Variants in CDH13 observed in about 807,000 individuals in gnomAD.
CDH13 encodes the protein cadherin 13.
CDH13 carries 24 observed loss-of-function variants against 63.8 expected under a neutral mutation model. The observed-to-expected ratio is 0.38, with a 90% CI of 0.27 to 0.53. CDH13 has a LOEUF of 0.53. Ranked by LOEUF, CDH13 falls within the 20% of genes least tolerant of loss-of-function variation. The pLI, the probability that CDH13 is intolerant of heterozygous loss-of-function variation, is 0.85. For synonymous variants in CDH13, 503 were observed against 355.3 expected, an observed-to-expected ratio of 1.42 and a Z score of -4.67; for missense variants, 1,049 against 903.1, an observed-to-expected ratio of 1.16 and a Z score of -2.07.
intron 1 of CDH13, among the ~76,000 whole-genome samples, chr16:82,761,017 C>CTTTTTTCTTTTTTTT (rs2034821033): frequency 2.5e-5 from 1 of 40,452 alleles, no homozygotes; most frequent in African/African-American, 8.9e-5. Context: ...TTCTTTCTTT[C>CTTTTTTCTTTTTTTT]TTTTTTTTTT....
At chr16:83,563,751 C>T (rs1026459479) in intron 7 of CDH13, among the ~76,000 whole-genome samples, 3 of 152,130 alleles carry the variant, frequency 2.0e-5, no homozygotes, top group Non-Finnish European at 4.4e-5. Flanking sequence ...CAGCATATAA[C>T]TCTCCCCAAA....
intron 8 of CDH13, among the ~76,000 whole-genome samples, chr16:83,616,904 C>T (rs1369458069): frequency 1.3e-5 from 2 of 152,190 alleles, no homozygotes; most frequent in Non-Finnish European, 2.9e-5. Flanking sequence ...CAAGCTTTGG[C>T]ATGTCTTTGT....
At chr16:82,805,008 T>G (rs945103636) in intron 1 of CDH13, among the ~76,000 whole-genome samples, 8 of 152,198 alleles carry the variant, frequency 5.3e-5, no homozygotes, top group African/African-American at 1.9e-4. Flanking sequence ...TATCCATCTT[T>G]CCTTATCCAG....
intron 1 of CDH13, among the ~76,000 whole-genome samples, chr16:82,793,472 C>T (rs938877384): frequency 2.6e-5 from 4 of 152,022 alleles, no homozygotes; most frequent in African/African-American, 9.7e-5. Context: ...CTGTGGAGTT[C>T]CCAGTGTTTC....
intron 7 of CDH13, among the ~76,000 whole-genome samples, chr16:83,561,132 G>C (rs747918798): frequency 6.6e-6 from 1 of 151,986 alleles, no homozygotes; most frequent in Non-Finnish European, 1.5e-5. Context: ...TACTCATTCA[G>C]GTTCTTCTCT....
intron 4 of CDH13, among the ~76,000 whole-genome samples, chr16:83,166,183 C>T (rs1027009551): frequency 6.6e-6 from 1 of 152,068 alleles, no homozygotes; most frequent in East Asian, 1.9e-4. Flanking sequence ...AATAGCTGAT[C>T]CCTGTCATTA....
At chr16:83,634,135 A>ATGTGTG (rs35109001) in intron 8 of CDH13, among the ~76,000 whole-genome samples, 65 of 104,398 alleles carry the variant, frequency 6.2e-4, no homozygotes, top group African/African-American at 2.3e-3. Flanking sequence ...GTGTGTGTGT[A>ATGTGTG]TGTGTGTGTG....
intron 6 of CDH13, among the ~76,000 whole-genome samples, chr16:83,421,422 C>G (rs536813085): frequency 1.8e-4 from 27 of 152,270 alleles, no homozygotes; most frequent in Admixed American, 5.2e-4. Context: ...AATCTTAGCT[C>G]TCTACATCTT....
chr16:83,354,839 CTGT>C (rs2091022493), intron 6 of CDH13, among the ~76,000 whole-genome samples: 1 of 152,210 alleles, frequency 6.6e-6, no homozygotes, highest in African/African-American at 2.4e-5. Context: ...GTCTCTCTGC[CTGT>C]TGTTTTTTAA....
chr16:83,305,961 A>G (rs1052141003), intron 5 of CDH13, among the ~76,000 whole-genome samples: 2 of 152,214 alleles, frequency 1.3e-5, no homozygotes, highest in African/African-American at 2.4e-5. Context: ...CTAATCTAGA[A>G]CAGGGTTTCT....
In CDH13 at chr16:83,646,692, C is replaced by CAAA. The variant is rs199756336; in HGVS notation, c.1102-24079_1102-24077dup. On this transcript the variant is annotated intron_variant, in intron 8 of 13. Transcript: ENST00000567109. ...GGGTGACAAGAGCAAGACTCCGTCT[C>CAAA]AAAAAAAAAAAAAAAAAAAAACACA... 1.4e-3 allele frequency among the ~76,000 whole-genome samples: 101 copies of CAAA among 72,620 alleles called. 2 individuals are homozygous for CAAA. The highest frequency in any genetic ancestry group is 2.0e-3 in the African/African-American group (43 of 21,854). 47.6% of individuals were successfully genotyped at this position (72,620 alleles called of 152,430 possible).
chr16:83,409,537 G>A (rs1356489192), intron 6 of CDH13, among the ~76,000 whole-genome samples: 1 of 152,242 alleles, frequency 6.6e-6, no homozygotes, highest in Non-Finnish European at 1.5e-5. Flanking sequence ...TAGGTGATGT[G>A]ACTCAGACCT....
At chr16:83,617,467 TC>T (rs1909384664) in intron 8 of CDH13, among the ~76,000 whole-genome samples, 2 of 151,790 alleles carry the variant, frequency 1.3e-5, no homozygotes, top group Non-Finnish European at 2.9e-5. Context: ...CATTTTCTAT[TC>T]TAATATATAA....
chr16:83,508,288 A>C (rs1162475808), intron 7 of CDH13: 1 of 154,540 alleles, frequency 6.5e-6, no homozygotes, highest in Non-Finnish European at 1.5e-5. Context: ...GGGGTTCTGG[A>C]GGATAGCAGT....
intron 3 of CDH13, among the ~76,000 whole-genome samples, chr16:83,124,469 T>A (rs116780629): frequency 1.3e-5 from 2 of 152,212 alleles, no homozygotes; most frequent in African/African-American, 4.8e-5. Flanking sequence ...GCTTAGTCTG[T>A]TGATTGCTTA....
chr16:83,408,319 G>C (rs937059134), intron 6 of CDH13, among the ~76,000 whole-genome samples: 1 of 152,100 alleles, frequency 6.6e-6, no homozygotes, highest in Admixed American at 6.6e-5. Context: ...ACTCAACAAT[G>C]GGTATACCTT....
chr16:83,432,755 C>G (rs1477771301), intron 6 of CDH13, among the ~76,000 whole-genome samples: 2 of 152,164 alleles, frequency 1.3e-5, no homozygotes, highest in Non-Finnish European at 2.9e-5. Context: ...AGCTGGGTCT[C>G]TGAGATGCAT....
intron 10 of CDH13, among the ~76,000 whole-genome samples, chr16:83,695,021 A>G (rs765105206): frequency 1.8e-4 from 28 of 152,184 alleles, no homozygotes; most frequent in Non-Finnish European, 3.2e-4. Flanking sequence ...AGCCCGGCCA[A>G]CATGATGAAA....
At chr16:83,571,601 T>C (rs558100312) in intron 7 of CDH13, among the ~76,000 whole-genome samples, 5 of 152,158 alleles carry the variant, frequency 3.3e-5, no homozygotes, top group East Asian at 1.9e-4. Flanking sequence ...TCAAGAAATA[T>C]TGGGTCTGCC....
Sources: gnomAD v4.1 joint callset for allele counts (sites outside exome capture counted in the v4.1 genomes callset) on GRCh38, gnomAD v4.1.1 for gene constraint, MANE v1.5 for transcripts, NCBI Gene and HGNC (gene_info 2026-07-23, HGNC 2026-07-21) for gene names.